TFIP11: variants seen among roughly 807,000 people sequenced by gnomAD.
TFIP11 encodes tuftelin interacting protein 11.
In TFIP11, 86 loss-of-function variants were observed where a neutral mutation model predicts 96.8. The ratio of observed to expected loss-of-function variants is 0.89; its 90% CI spans 0.75 to 1.06. The LOEUF (loss-of-function observed/expected upper bound fraction) is 1.06, where lower values mean the gene tolerates loss of function less well. TFIP11 is among the 50% of genes least tolerant of loss of function. The probability of loss-of-function intolerance (pLI) is 0.00; values close to 1 mark genes in which losing one functional copy is unlikely to be tolerated. For synonymous variants in TFIP11, 405 were observed against 395.2 expected (o/e 1.02, Z -0.29); for missense variants, 881 against 1,076.7 (o/e 0.82, Z 2.54).
rs866482862 is a variant in TFIP11 at position 26,512,453 on chromosome 22, C to G, written c.-232G>C. 1.3e-5 allele frequency: 2 copies of G among 152,364 alleles called. No homozygotes were observed. Among genetic ancestry groups the G allele is most frequent in the African/African-American group, 4.8e-5 (2 of 41,478 alleles). 9.4% of individuals were successfully genotyped at this position (152,364 alleles called of 1,614,324 possible). A position where few individuals can be genotyped will look rare whatever the true frequency, so the allele number is the denominator to read the frequency against. On this transcript the variant is annotated 5_prime_UTR_variant, in exon 1 of 15. Transcript: ENST00000407690. The stretch of plus-strand genomic sequence containing the variant: ...ACCATCCGCGCGAGAAGACGCCGCT[C>G]CTACACCAGAACCCGGAAGCACCGT...
At position 26,498,987 on chromosome 22, in the gene TFIP11, G is replaced by A. The variant is rs1420705840; in HGVS notation, c.1330-12C>T. The A allele has an allele frequency of 6.2e-7, 1 of 1,613,738 alleles. No individual in the cohort carries two copies. The highest frequency in any genetic ancestry group is 1.1e-5 in the South Asian group (1 of 91,074). ...CCATAAGTGCAGTCCTGAGGAGAAA[G>A]GTGAGCAGTTGAGGGGCAGCGGGCT... On this transcript the variant is annotated splice_polypyrimidine_tract_variant and intron_variant, in intron 9 of 14. Transcript: ENST00000407690.
In TFIP11 at chr22:26,498,911, A is replaced by C. The variant is rs763110174; in HGVS notation, c.1394T>G (p.Leu465Trp). 1 of 1,613,932 alleles carries C rather than the reference A, an allele frequency of 6.2e-7. No homozygotes were observed. Reference protein sequence around the residue: ...WKSLLENDQLLSHGGQDLSAD... With the variant: ...WKSLLENDQLWSHGGQDLSAD... ...TGAGAGGTCCTGTCCGCCATGGGAC[A>C]AGAGCTGGTCATTCTCTAGGAGGCT... Residue 465 changes from leucine to tryptophan, a missense_variant, in exon 10 of 15, where the codon TTG becomes TGG. Physicochemically the swap from Leu to Trp is moderately conservative, Grantham distance 61. Coordinates refer to ENST00000407690, the MANE Select transcript of TFIP11 (RefSeq NM_012143.4).
At chr22:26,507,592 T>C (rs993434977) in intron 4 of TFIP11, among the ~76,000 whole-genome samples, 2 of 146,404 alleles carry the variant, frequency 1.4e-5, no homozygotes, top group Non-Finnish European at 3.0e-5. Flanking sequence ...ATCATGTCAC[T>C]GCACCCCAGC....
rs367796915 is a variant in TFIP11, at chr22:26,502,024, C to T, written c.677G>A (p.Arg226Lys). Reference sequence around the variant, plus strand: ...CTTCTTGCTTCCACTTGGGTCTTTCCTCCACTGGCTCAGCTCCTTCTGAAA... The same window carrying T: ...CTTCTTGCTTCCACTTGGGTCTTTCTTCCACTGGCTCAGCTCCTTCTGAAA... ...EEFQKELSQW[R>K]KDPSGSKKKP... Residue 226 changes from arginine to lysine, a missense_variant, in exon 8 of 15, where the codon AGG (arginine) becomes AAG (lysine). Coordinates refer to ENST00000407690, the MANE Select transcript of TFIP11 (RefSeq NM_012143.4). 7 of 1,613,846 alleles carry T rather than the reference C, an allele frequency of 4.3e-6. No individual in the cohort carries two copies. Among genetic ancestry groups the T allele is most frequent in the Non-Finnish European group, 5.9e-6 (7 of 1,180,014 alleles).
chr22:26,506,352 A>C lies in TFIP11; in HGVS notation c.471T>G (p.Leu157=), dbSNP rs1923406796. Residue 157 remains leucine, a synonymous_variant, in exon 6 of 15, where the codon CTT becomes CTG. Transcript: ENST00000407690. ...GTCCAGGGACGTAGCCCATCTTCTG[A>C]AGAAGCTTCTGTCCAATTCCTTTTG... is the stretch of plus-strand genomic sequence containing the variant. ...RHTKGIGQKL[L]QKMGYVPGRG... 1 of 1,613,622 alleles carries C rather than the reference A, an allele frequency of 6.2e-7. No homozygotes were observed. The highest frequency in any genetic ancestry group is 1.3e-5 in the African/African-American group (1 of 74,896).
intron 6 of TFIP11, among the ~76,000 whole-genome samples, chr22:26,504,559 G>GT (rs2147141655): frequency 6.6e-6 from 1 of 152,066 alleles, no homozygotes; most frequent in East Asian, 1.9e-4. Flanking sequence ...GAGTGTGCCT[G>GT]TGGTCCCAGC....
intron 8 of TFIP11, 91 bp downstream of exon 8, chr22:26,501,809 C>G: frequency 4.3e-6 from 3 of 689,746 alleles, no homozygotes; most frequent in Non-Finnish European, 6.3e-6. Flanking sequence ...AAAAAAAAAG[C>G]CTAGCTAAAA....
chr22:26,508,236 T>A (rs892026711), intron 4 of TFIP11, among the ~76,000 whole-genome samples: 5 of 152,212 alleles, frequency 3.3e-5, no homozygotes, highest in African/African-American at 1.2e-4. Context: ...TAATATAACT[T>A]AGTGATTTAG....
In TFIP11 at chr22:26,510,048, C is replaced by T. The variant is rs1219155848; in HGVS notation, c.209+16G>A. On this transcript the variant is annotated intron_variant, in intron 4 of 14. Transcript: ENST00000407690. ...TCCCTAAAGCAAGGTGAAGCAGCCC[C>T]CATGCCAGGCAATACCGTTTGCCTC... 6.2e-7 allele frequency: 1 copy of T among 1,612,096 alleles called. No individual in the cohort carries two copies. Among genetic ancestry groups the T allele is most frequent in the African/African-American group, 1.3e-5 (1 of 74,866 alleles).
intron 4 of TFIP11, among the ~76,000 whole-genome samples, chr22:26,507,661 A>T (rs992887839): frequency 6.6e-6 from 1 of 151,454 alleles, no homozygotes; most frequent in Non-Finnish European, 1.5e-5. Flanking sequence ...AGAAAATTAC[A>T]CTAAAGTCCC....
chr22:26,509,434 A>C (rs1365006129), intron 4 of TFIP11, among the ~76,000 whole-genome samples: 5 of 152,246 alleles, frequency 3.3e-5, no homozygotes, highest in Admixed American at 6.5e-5. Context: ...CCTGCATCAC[A>C]GTCACAAGTT....
At chr22:26,507,507 G>GTGGTCCTAAC (rs1923562246) in intron 4 of TFIP11, among the ~76,000 whole-genome samples, 2 of 151,956 alleles carry the variant, frequency 1.3e-5, no homozygotes, top group South Asian at 4.1e-4. Flanking sequence ...GTGCAAGCCT[G>GTGGTCCTAAC]TGGTCCTAAC....
At chr22:26,495,682 A>ATGTGTG (rs555549211) in intron 12 of TFIP11, among the ~76,000 whole-genome samples, 8 of 146,080 alleles carry the variant, frequency 5.5e-5, no homozygotes, top group African/African-American at 2.0e-4. Flanking sequence ...ATATACATAT[A>ATGTGTG]TGTGTGTGTG....
chr22:26,492,394 G>A, intron 14 of TFIP11, 26 bp from the exon 15 acceptor site: 1 of 1,605,224 alleles, frequency 6.2e-7, no homozygotes, highest in South Asian at 1.1e-5. Context: ...ACAGGGCGGT[G>A]AGGAGAGGTG....
Position 26,491,279 on chromosome 22 carries a change from T to C in TFIP11, c.*734A>G, listed in dbSNP as rs1831406669. 2 of 706,854 alleles carry C rather than the reference T, an allele frequency of 2.8e-6. No homozygotes were observed. Among genetic ancestry groups the C allele is most frequent in the Admixed American group, 6.0e-5 (2 of 33,592 alleles). The allele number at this position is 706,854 out of a possible 1,614,324, so 43.8% of individuals were successfully genotyped here. A position where few individuals can be genotyped will look rare whatever the true frequency, so the allele number is the denominator to read the frequency against. On this transcript the variant is annotated 3_prime_UTR_variant, in exon 15 of 15. Coordinates refer to ENST00000407690, the MANE Select transcript of TFIP11 (RefSeq NM_012143.4). ...ATTTCCTTTATTCTTAGTATCACAG[T>C]CCATGATATCCACTGTCCTTGGGGC...
At chr22:26,503,827 T>TA in intron 6 of TFIP11, 34 bp from the exon 7 acceptor site, 1 of 1,608,794 alleles carries the variant, frequency 6.2e-7, no homozygotes, top group South Asian at 1.1e-5. Flanking sequence ...AAGAGAGTCT[T>TA]ACGATCACAG....
intron 8 of TFIP11, among the ~76,000 whole-genome samples, chr22:26,501,075 G>C (rs1922729238): frequency 6.6e-6 from 1 of 151,900 alleles, no homozygotes; most frequent in Non-Finnish European, 1.5e-5. Flanking sequence ...AGTAGAGACG[G>C]GGTTTCACCA....
At chr22:26,498,404 G>A (rs987451513) in intron 10 of TFIP11, among the ~76,000 whole-genome samples, 3 of 152,018 alleles carry the variant, frequency 2.0e-5, no homozygotes, top group Admixed American at 6.6e-5. Flanking sequence ...TTAGCTGGGC[G>A]TGGTGGCGTG....
intron 6 of TFIP11, among the ~76,000 whole-genome samples, chr22:26,504,815 C>G (rs750571605): frequency 6.6e-6 from 1 of 152,172 alleles, no homozygotes; most frequent in East Asian, 1.9e-4. Context: ...GTGGCTCACA[C>G]CTATAATCCC....
Sources: allele counts gnomAD v4.1 joint callset (sites outside exome capture counted in the v4.1 genomes callset), GRCh38; gene constraint gnomAD v4.1.1; transcripts MANE v1.5; gene names NCBI Gene and HGNC (gene_info 2026-07-23, HGNC 2026-07-21).